The following MROH2B variants were observed in gnomAD, a reference collection of about 807,000 sequenced individuals.
MROH2B encodes the protein maestro heat-like repeat-containing protein family member 2B.
Under a neutral mutation model 208.6 loss-of-function variants are expected in MROH2B, and 177 were observed. The observed-to-expected ratio is 0.85, with a 90% CI of 0.75 to 0.96. The LOEUF is 0.96. Among genes scored for constraint, MROH2B ranks in the 40% least tolerant of loss-of-function variants. The pLI is 0.00. For synonymous variants in MROH2B, 728 were observed against 659.0 expected, an observed-to-expected ratio of 1.10 and a Z score of -1.60; for missense variants, 2,002 against 1,878.7, an observed-to-expected ratio of 1.07 and a Z score of -1.21.
intron 24 of MROH2B, among the ~76,000 whole-genome samples, chr5:41,027,432 G>GA (rs546832672): frequency 0.029 from 4,407 of 152,182 alleles, 198 homozygotes; most frequent in African/African-American, 0.1. Context: ...ACAGACACAT[G>GA]AAAAAATGCT....
intron 29 of MROH2B, 150 bp downstream of exon 29, chr5:41,015,231 G>T: frequency 1.6e-6 from 1 of 643,406 alleles, no homozygotes; most frequent in Non-Finnish European, 2.7e-6. Flanking sequence ...TGTTGACTAG[G>T]CATGTGTACT....
rs569304803 is a variant in MROH2B, at chr5:41,026,543, A to C, written c.2441+6199T>G. 2.0e-5 allele frequency among the ~76,000 whole-genome samples: 3 copies of C among 152,368 alleles called. No individual in the cohort carries two copies. In the South Asian group the frequency reaches 6.2e-4, roughly 32 times the overall value. On this transcript the variant is annotated intron_variant, in intron 24 of 41. Coordinates refer to ENST00000399564, the MANE Select transcript of MROH2B (RefSeq NM_173489.5). ...TGCTCAATGAAATAAAAGAGGACAC[A>C]AACAAATGGAAGAACATTCCATGCT...
At chr5:41,045,576 G>A (rs1743089121) in intron 18 of MROH2B, among the ~76,000 whole-genome samples, 170 bp downstream of exon 18, 1 of 152,142 alleles carries the variant, frequency 6.6e-6, no homozygotes, top group Non-Finnish European at 1.5e-5. Context: ...AAAGTGAGGT[G>A]CAGAGAAGGT....
chr5:41,062,722 T>C (rs1181340106), intron 5 of MROH2B, among the ~76,000 whole-genome samples: 3 of 152,210 alleles, frequency 2.0e-5, no homozygotes, highest in Non-Finnish European at 1.5e-5. Flanking sequence ...CCTGAGCATG[T>C]TATAGCTGTA....
chr5:41,061,810 AT>A, intron 5 of MROH2B, 86 bp from the exon 6 acceptor site: 1 of 1,354,292 alleles, frequency 7.4e-7, no homozygotes. Flanking sequence ...AGTGCTGATG[AT>A]TAGTAAATAT....
Position 41,004,498 on chromosome 5 carries a change from A to G in MROH2B, c.4042T>C (p.Ser1348Pro). ...AGGTGATACAGGCCTCTGATGATAG[A>G]TTCTAGCATTAACTGCTTATGTTTC... ...VKKHKQLMLE[S>P]IIRGLYHLAR... The change falls in exon 37 of 42, where the codon TCT becomes CCT. Residue 1348 changes from serine (S) to proline (P), a missense_variant. By Grantham distance (74) the Ser-to-Pro change is moderately conservative. Coordinates refer to ENST00000399564, the MANE Select transcript of MROH2B (RefSeq NM_173489.5). 6.2e-7 allele frequency: 1 copy of G among 1,611,680 alleles called. No individual in the cohort carries two copies. Among genetic ancestry groups the G allele is most frequent in the Non-Finnish European group, 8.5e-7 (1 of 1,179,362 alleles).
chr5:41,027,132 G>C (rs768482623), intron 24 of MROH2B, among the ~76,000 whole-genome samples: 1 of 152,080 alleles, frequency 6.6e-6, no homozygotes, highest in Non-Finnish European at 1.5e-5. Context: ...GCATGGGCAA[G>C]GACTTCATGT....
At chr5:41,022,190 T>C (rs1352131677) in intron 24 of MROH2B, among the ~76,000 whole-genome samples, 1 of 152,014 alleles carries the variant, frequency 6.6e-6, no homozygotes, top group Non-Finnish European at 1.5e-5. Flanking sequence ...TGGGGCTTGT[T>C]GGATGGTGGG....
chr5:41,056,084 C>A (rs1456114922), intron 9 of MROH2B, among the ~76,000 whole-genome samples: 1 of 152,036 alleles, frequency 6.6e-6, no homozygotes, highest in African/African-American at 2.4e-5. Context: ...GTGAATGTGG[C>A]CTTATTTAAA....
intron 24 of MROH2B, among the ~76,000 whole-genome samples, chr5:41,024,682 G>A (rs564297399): frequency 4.6e-5 from 7 of 152,176 alleles, no homozygotes; most frequent in Non-Finnish European, 7.3e-5. Context: ...GCACCAAGCA[G>A]ACCTAGTAGA....
rs796134778 is a variant in MROH2B, at chr5:41,045,626, CTCTT to C, written c.1836+116_1836+119del. The C allele has an allele frequency of 2.6e-5, 18 of 681,300 alleles. No individual in the cohort carries two copies. In the African/African-American group the frequency reaches 4.7e-4, roughly 18 times the overall value. The allele number at this position is 681,300 out of a possible 1,614,324, so 42.2% of individuals were successfully genotyped here. ...AGCTAGTGGCCTTAAAAAGAGGGAA[CTCTT>C]TTTTTTTTTAAATGTTCCTCCCTCC... On this transcript the variant is annotated intron_variant, in intron 18 of 41. Coordinates refer to ENST00000399564, the MANE Select transcript of MROH2B (RefSeq NM_173489.5).
rs368238235 is a variant in MROH2B, at chr5:41,008,613, G to T, written c.3601C>A (p.Pro1201Thr). The change falls in exon 33 of 42, where the codon CCC becomes ACC. Residue 1201 changes from proline to threonine, a missense_variant. Transcript: ENST00000399564. ...QQGEQQQIPDPCRLSTATLKC... is the reference protein window; with the variant it reads ...QQGEQQQIPDTCRLSTATLKC... ...TCCTGATTGGCCGTTTACCTGCAGG[G>T]GTCTGGGATCTGCTGCTGTTCTCCC... is the stretch of plus-strand genomic sequence containing the variant. 1.2e-6 allele frequency: 2 copies of T among 1,613,580 alleles called. No individual in the cohort carries two copies. The highest frequency in any genetic ancestry group is 1.7e-6 in the Non-Finnish European group (2 of 1,179,758).
chr5:41,059,600 C>A (rs868143828), intron 6 of MROH2B, among the ~76,000 whole-genome samples: 2 of 152,126 alleles, frequency 1.3e-5, no homozygotes, highest in Non-Finnish European at 2.9e-5. Flanking sequence ...GTTCTTCCAC[C>A]ACACATTTCC....
intron 21 of MROH2B, among the ~76,000 whole-genome samples, chr5:41,035,521 A>G (rs1449065023): frequency 6.6e-6 from 1 of 152,200 alleles, no homozygotes; most frequent in East Asian, 1.9e-4. Context: ...ATACCAACAG[A>G]GTAAACAGAC....
chr5:40,998,063 T>C lies in MROH2B; in HGVS notation c.4747A>G (p.Ile1583Val), dbSNP rs1465230197. The C allele has an allele frequency of 6.2e-7, 1 of 1,609,670 alleles. No homozygotes were observed. The highest frequency in any genetic ancestry group is 8.5e-7 in the Non-Finnish European group (1 of 1,176,652). The change falls in exon 42 of 42, where the codon ATT becomes GTT. Residue 1583 changes from isoleucine (I) to valine (V), a missense_variant. Physicochemically the swap from Ile to Val is conservative, Grantham distance 29. Coordinates refer to ENST00000399564, the MANE Select transcript of MROH2B (RefSeq NM_173489.5). ...TATTTCTTGATGGCTTACAGAGGAA[T>C]GCTTGTCTCTTTACACCTTCTCAGG... is the stretch of plus-strand genomic sequence containing the variant. ...TLLRRCKETS[I>V]PL
intron 30 of MROH2B, 89 bp downstream of exon 30, chr5:41,012,494 C>T: frequency 7.2e-7 from 1 of 1,390,496 alleles, no homozygotes; most frequent in African/African-American, 1.4e-5. Flanking sequence ...GCATGCTGCC[C>T]ATCAGTGGAC....
intron 5 of MROH2B, among the ~76,000 whole-genome samples, chr5:41,062,100 T>C (rs958687531): frequency 2.0e-5 from 3 of 148,860 alleles, no homozygotes; most frequent in Admixed American, 6.6e-5. Flanking sequence ...TCCAATCTTA[T>C]GTATATAGCC....
At position 41,018,803 on chromosome 5, in the gene MROH2B, G is replaced by C. The variant is rs1742045679; in HGVS notation, c.2578-17C>G. ...ATAGAGAAACTGAAATCAAATATGT[G>C]TGTGTGAGTCTCAGGCTGGGGTGAG... On this transcript the variant is annotated splice_polypyrimidine_tract_variant and intron_variant, in intron 25 of 41. Transcript: ENST00000399564. 6.2e-7 allele frequency: 1 copy of C among 1,613,704 alleles called. No individual in the cohort carries two copies. The highest frequency in any genetic ancestry group is 8.5e-7 in the Non-Finnish European group (1 of 1,179,824).
chr5:41,030,638 G>A (rs1168442362), intron 24 of MROH2B, among the ~76,000 whole-genome samples: 3 of 151,784 alleles, frequency 2.0e-5, no homozygotes, highest in Admixed American at 2.0e-4. Context: ...AAATTCATAT[G>A]GAATAAAAAA....
Sources: gnomAD v4.1 joint callset for allele counts (sites outside exome capture counted in the v4.1 genomes callset) on GRCh38, gnomAD v4.1.1 for gene constraint, MANE v1.5 for transcripts, NCBI Gene and HGNC (gene_info 2026-07-23, HGNC 2026-07-21) for gene names.